The following XRN1 variants were observed in gnomAD, a reference collection of about 807,000 sequenced individuals.
XRN1 encodes strand-exchange protein 1 homolog.
Under a neutral mutation model 222.3 loss-of-function variants are expected in XRN1, and 67 were observed. The observed-to-expected ratio is 0.30, with a 90% CI of 0.25 to 0.37. XRN1 has a LOEUF of 0.37. XRN1 is among the 10% of genes least tolerant of loss of function. XRN1 has a pLI of 1.00. For synonymous variants in XRN1, 643 were observed against 652.4 expected (o/e 0.99, Z 0.22); for missense variants, 1,707 against 2,000.2 (o/e 0.85, Z 2.80).
At chr3:142,444,332 G>A (rs1014714762) in intron 1 of XRN1, among the ~76,000 whole-genome samples, 2 of 152,154 alleles carry the variant, frequency 1.3e-5, no homozygotes, top group African/African-American at 2.4e-5. Context: ...CACAGGCCAG[G>A]CACGGTGGCT....
In XRN1 at chr3:142,426,779, G is replaced by A; in HGVS notation, c.371C>T (p.Thr124Ile). ...ACAGTTGGAATCAAATCTGGCCTCT[G>A]TAGGAAGAGTTTCTCCCTTCTCTAT... ...KAIEKGETLP[T>I]EARFDSNCIT... Residue 124 changes from threonine to isoleucine, a missense_variant, in exon 3 of 41, where the codon ACA becomes ATA. Physicochemically the swap from Thr to Ile is moderately conservative, Grantham distance 89 (BLOSUM62 -1). Around this residue, in one of 2 missense-constraint regions of XRN1, gnomAD observed 1,234 missense variants for 1,518.2 expected, o/e 0.81. Coordinates refer to ENST00000392981, the MANE Select transcript of XRN1 (RefSeq NM_001282857.2). 1.2e-6 allele frequency: 2 copies of A among 1,613,772 alleles called. No individual in the cohort carries two copies. Among genetic ancestry groups the A allele is most frequent in the Non-Finnish European group, 1.7e-6 (2 of 1,179,938 alleles).
chr3:142,354,816 C>T (rs1237670052), intron 32 of XRN1, among the ~76,000 whole-genome samples: 2 of 152,100 alleles, frequency 1.3e-5, no homozygotes, highest in African/African-American at 2.4e-5. Flanking sequence ...CAGGTGTGAG[C>T]CACAGTGCCC....
intron 37 of XRN1, among the ~76,000 whole-genome samples, chr3:142,328,455 C>T (rs975241417): frequency 6.6e-6 from 1 of 151,452 alleles, no homozygotes. Context: ...CAAAGTTCCT[C>T]TTGTTATTGA....
intron 23 of XRN1, among the ~76,000 whole-genome samples, chr3:142,379,565 C>T (rs2067240745): frequency 6.6e-6 from 1 of 152,102 alleles, no homozygotes; most frequent in Non-Finnish European, 1.5e-5. Context: ...CAGAACCTTC[C>T]CTCTATTTTA....
intron 10 of XRN1, chr3:142,420,168 T>C (rs2108100831): frequency 6.6e-6 from 1 of 152,220 alleles, no homozygotes; most frequent in South Asian, 2.1e-4. Flanking sequence ...TCCATTGTTT[T>C]AAAATAACAA....
At chr3:142,321,443 T>C (rs1044634522) in intron 37 of XRN1, among the ~76,000 whole-genome samples, 14 of 152,298 alleles carry the variant, frequency 9.2e-5, no homozygotes, top group African/African-American at 3.4e-4. Context: ...CTGAATGGTC[T>C]TGACAACTTG....
chr3:142,431,841 T>C (rs1271734484), intron 2 of XRN1, among the ~76,000 whole-genome samples: 18 of 77,898 alleles, frequency 2.3e-4, no homozygotes, highest in Non-Finnish European at 3.6e-4. Context: ...TATATAATAT[T>C]AAAAAATATA....
At chr3:142,378,119 A>G (rs1271413816) in intron 23 of XRN1, among the ~76,000 whole-genome samples, 1 of 152,264 alleles carries the variant, frequency 6.6e-6, no homozygotes, top group Non-Finnish European at 1.5e-5. Context: ...AATTAATTTT[A>G]GCTAAGTTAA....
rs552505845 is a variant in XRN1 at position 142,338,697 on chromosome 3, T to C, written c.3878-3188A>G. ...GTGGTTTTTAGATGGCATTTCTAGA[T>C]GTGCCTTGGGCCAGAGGGAACCCCA... On this transcript the variant is annotated intron_variant, in intron 33 of 40. Coordinates refer to ENST00000392981, the MANE Select transcript of XRN1 (RefSeq NM_001282857.2). Among the ~76,000 whole-genome samples, 10 of 152,118 alleles carry C rather than the reference T, an allele frequency of 6.6e-5. No individual in the cohort carries two copies. The East Asian group carries it at 1.6e-3, about 24-fold the overall frequency.
At chr3:142,337,265 C>T (rs2065876865) in intron 33 of XRN1, among the ~76,000 whole-genome samples, 1 of 152,082 alleles carries the variant, frequency 6.6e-6, no homozygotes, top group East Asian at 1.9e-4. Context: ...AAAGAGCACC[C>T]CTGTCACTCT....
intron 22 of XRN1, among the ~76,000 whole-genome samples, chr3:142,381,213 C>T (rs995200578): frequency 1.3e-5 from 2 of 152,086 alleles, no homozygotes; most frequent in African/African-American, 4.8e-5. Context: ...TTTACTTATA[C>T]ATAGTTATCT....
intron 33 of XRN1, among the ~76,000 whole-genome samples, chr3:142,344,474 A>C (rs1277773350): frequency 6.6e-6 from 1 of 152,214 alleles, no homozygotes; most frequent in African/African-American, 2.4e-5. Context: ...GCAATTAGGC[A>C]ACAAAAGAAA....
At chr3:142,362,945 A>C (rs2066693807) in intron 29 of XRN1, among the ~76,000 whole-genome samples, 2 of 151,240 alleles carry the variant, frequency 1.3e-5, no homozygotes, top group Middle Eastern at 6.9e-3. Flanking sequence ...TAATTAAAAA[A>C]AATTTTTTTA....
chr3:142,400,070 G>A (rs2068071214), intron 19 of XRN1, among the ~76,000 whole-genome samples: 1 of 152,048 alleles, frequency 6.6e-6, no homozygotes, highest in Admixed American at 6.6e-5. Context: ...AAAAATTAAT[G>A]TACAATTTAA....
At chr3:142,387,863 G>C (rs372548308) in intron 20 of XRN1, among the ~76,000 whole-genome samples, 16 of 152,040 alleles carry the variant, frequency 1.1e-4, no homozygotes, top group African/African-American at 3.9e-4. Flanking sequence ...CTGTTAAAAA[G>C]AACCTGGCAC....
intron 29 of XRN1, among the ~76,000 whole-genome samples, chr3:142,362,584 C>T (rs944948180): frequency 2.1e-5 from 3 of 139,942 alleles, no homozygotes; most frequent in African/African-American, 7.8e-5. Flanking sequence ...CTTCGTCCCC[C>T]CTACCCCCGC....
In XRN1 at chr3:142,310,487, A is replaced by G. The variant is rs1206262238; in HGVS notation, c.*1024T>C. The G allele has an allele frequency of 6.6e-6, 1 of 152,544 alleles. No individual in the cohort carries two copies. Among genetic ancestry groups the G allele is most frequent in the African/African-American group, 2.4e-5 (1 of 41,430 alleles). 9.4% of individuals were successfully genotyped at this position (152,544 alleles called of 1,614,324 possible). ...GTTCAGCATAAAGCTAAAAATATAG[A>G]ATCAGAATGAAATAGGCAGTAAATA... On this transcript the variant is annotated 3_prime_UTR_variant, in exon 41 of 41. Transcript: ENST00000392981.
At chr3:142,419,059 TG>T (rs1376844961) in intron 10 of XRN1, among the ~76,000 whole-genome samples, 178 bp from the exon 11 acceptor site, 6 of 152,240 alleles carry the variant, frequency 3.9e-5, no homozygotes, top group Non-Finnish European at 8.8e-5. Flanking sequence ...CTCTATTCTC[TG>T]ATTTCCTGTC....
In XRN1 at chr3:142,431,923, ATATAATATATTG is replaced by A. The variant is rs1407337405; in HGVS notation, c.308+726_308+737del. On this transcript the variant is annotated intron_variant, in intron 2 of 40. Transcript: ENST00000392981. ...TATATTATATATATAAATATATATA[ATATAATATATTG>A]TATATATTATATAATATATTATATA... Among the ~76,000 whole-genome samples the A allele has an allele frequency of 2.9e-3, 242 of 82,462 alleles. 1 individual carries two copies. The highest frequency in any genetic ancestry group is 0.011 in the African/African-American group (238 of 20,942). The allele number at this position is 82,462 out of a possible 152,430, so 54.1% of individuals were successfully genotyped here.
Sources: allele counts gnomAD v4.1 joint callset (sites outside exome capture counted in the v4.1 genomes callset), GRCh38; gene constraint gnomAD v4.1.1; regional missense constraint gnomAD v4.1.1; transcripts MANE v1.5; gene names NCBI Gene and HGNC (gene_info 2026-07-23, HGNC 2026-07-21).